Variants in SLC24A3 observed in about 807,000 individuals in gnomAD.
SLC24A3 encodes sodium/potassium/calcium exchanger 3.
In SLC24A3, 28 loss-of-function variants were observed where a neutral mutation model predicts 75.8. That is an observed-to-expected ratio of 0.37 (90% CI 0.27 to 0.51). The LOEUF (loss-of-function observed/expected upper bound fraction) is 0.51. SLC24A3 is among the 20% of genes least tolerant of loss of function. The pLI is 0.94. For missense variants in SLC24A3, 663 were observed against 847.8 expected, an observed-to-expected ratio of 0.78 and a Z score of 2.71; for synonymous variants, 372 against 334.1, an observed-to-expected ratio of 1.11 and a Z score of -1.24.
At chr20:19,529,670 A>G (rs1441774607) in intron 3 of SLC24A3, among the ~76,000 whole-genome samples, 4 of 152,060 alleles carry the variant, frequency 2.6e-5, no homozygotes, top group South Asian at 4.1e-4. Context: ...CCGCACCATC[A>G]TGGCACTTGG....
intron 15 of SLC24A3, among the ~76,000 whole-genome samples, chr20:19,710,860 GTGCATTTTACTCTA>G (rs1320294780): frequency 6.6e-6 from 1 of 152,250 alleles, no homozygotes; most frequent in East Asian, 1.9e-4. Flanking sequence ...CTTAAGATCT[GTGCATTTTACTCTA>G]TGCAAATTAT....
chr20:19,688,622 GA>G (rs763049269), intron 12 of SLC24A3, among the ~76,000 whole-genome samples: 4 of 152,200 alleles, frequency 2.6e-5, no homozygotes, highest in Non-Finnish European at 4.4e-5. Context: ...CCTGTGGACT[GA>G]AAAAGATCCG....
chr20:19,477,289 G>A (rs1987977105), intron 2 of SLC24A3, among the ~76,000 whole-genome samples: 1 of 152,182 alleles, frequency 6.6e-6, no homozygotes, highest in African/African-American at 2.4e-5. Flanking sequence ...GCTGGGTCAA[G>A]CCTGAGGAGG....
chr20:19,455,668 G>T (rs1475480150), intron 2 of SLC24A3, among the ~76,000 whole-genome samples: 1 of 152,186 alleles, frequency 6.6e-6, no homozygotes, highest in Admixed American at 6.5e-5. Context: ...CTCTCTCAGA[G>T]CATCCCCAGG....
intron 15 of SLC24A3, among the ~76,000 whole-genome samples, chr20:19,712,040 C>T (rs893461858): frequency 6.6e-6 from 1 of 152,106 alleles, no homozygotes; most frequent in African/African-American, 2.4e-5. Context: ...TCGACCTTCC[C>T]AGCTCAAGTG....
chr20:19,218,854 G>A (rs181547722), intron 1 of SLC24A3, among the ~76,000 whole-genome samples: 40 of 152,230 alleles, frequency 2.6e-4, no homozygotes, highest in East Asian at 1.2e-3. Flanking sequence ...TTGAGTGAAA[G>A]AACTTTTTGG....
chr20:19,468,270 C>T (rs941781468), intron 2 of SLC24A3, among the ~76,000 whole-genome samples: 1 of 152,046 alleles, frequency 6.6e-6, no homozygotes, highest in African/African-American at 2.4e-5. Flanking sequence ...AATAGAGATT[C>T]CGTAGCATAT....
At chr20:19,701,161 G>A (rs1370315053) in intron 15 of SLC24A3, among the ~76,000 whole-genome samples, 2 of 152,084 alleles carry the variant, frequency 1.3e-5, no homozygotes, top group African/African-American at 4.8e-5. Flanking sequence ...ACAGTATGGG[G>A]CAGGCACATA....
At chr20:19,601,683 T>C (rs1359758008) in intron 6 of SLC24A3, among the ~76,000 whole-genome samples, 1 of 152,164 alleles carries the variant, frequency 6.6e-6, no homozygotes, top group Non-Finnish European at 1.5e-5. Flanking sequence ...TTCACGGCCA[T>C]GCTACAAGCC....
At chr20:19,299,672 G>A (rs1034239205) in intron 2 of SLC24A3, among the ~76,000 whole-genome samples, 12 of 152,192 alleles carry the variant, frequency 7.9e-5, no homozygotes, top group African/African-American at 2.9e-4. Context: ...ACGCAGAGAG[G>A]AGACTCCATT....
chr20:19,611,908 C>T (rs1043540802), intron 6 of SLC24A3, among the ~76,000 whole-genome samples: 4 of 152,338 alleles, frequency 2.6e-5, no homozygotes, highest in South Asian at 2.1e-4. Context: ...TTGCTTCCCG[C>T]AGCCTCCAGG....
chr20:19,502,129 C>T (rs1988393451), intron 2 of SLC24A3, among the ~76,000 whole-genome samples: 1 of 152,096 alleles, frequency 6.6e-6, no homozygotes, highest in African/African-American at 2.4e-5. Context: ...TCTGAAACCT[C>T]CCCAAGGTGT....
chr20:19,551,619 C>T (rs945923987), intron 3 of SLC24A3, among the ~76,000 whole-genome samples: 31 of 152,162 alleles, frequency 2.0e-4, no homozygotes, highest in African/African-American at 7.0e-4. Flanking sequence ...TTCCTCCTAG[C>T]CTCTTCTACA....
intron 2 of SLC24A3, among the ~76,000 whole-genome samples, chr20:19,383,674 G>A (rs970057321): frequency 6.6e-6 from 1 of 152,154 alleles, no homozygotes; most frequent in Non-Finnish European, 1.5e-5. Flanking sequence ...AAATGCCATA[G>A]ACTGGGTGGC....
intron 6 of SLC24A3, among the ~76,000 whole-genome samples, chr20:19,601,911 G>A (rs145201515): frequency 5.3e-5 from 8 of 152,276 alleles, no homozygotes; most frequent in Admixed American, 3.3e-4. Context: ...GGTGGCTCAC[G>A]CCTGTAATCC....
chr20:19,322,915 A>G (rs1984746838), intron 2 of SLC24A3, among the ~76,000 whole-genome samples: 1 of 152,150 alleles, frequency 6.6e-6, no homozygotes, highest in African/African-American at 2.4e-5. Context: ...TTCCTTTAAG[A>G]AGAAATATAG....
chr20:19,688,726 C>A (rs1449588876), intron 12 of SLC24A3, among the ~76,000 whole-genome samples: 1 of 152,170 alleles, frequency 6.6e-6, no homozygotes, highest in Non-Finnish European at 1.5e-5. Context: ...TTTCTTCTCT[C>A]AGGACTTGAC....
chr20:19,243,360 T>C (rs903793325), intron 1 of SLC24A3, among the ~76,000 whole-genome samples: 2 of 152,200 alleles, frequency 1.3e-5, no homozygotes, highest in African/African-American at 4.8e-5. Flanking sequence ...ATAAGACACA[T>C]TCAGAAACAT....
At chr20:19,401,179 A>C (rs1600465520) in intron 2 of SLC24A3, among the ~76,000 whole-genome samples, 1 of 152,316 alleles carries the variant, frequency 6.6e-6, no homozygotes, top group Non-Finnish European at 1.5e-5. Context: ...ATCATGAGAC[A>C]GTTCCTAGAA....
Sources: allele counts gnomAD v4.1 joint callset (sites outside exome capture counted in the v4.1 genomes callset), GRCh38; gene constraint gnomAD v4.1.1; transcripts MANE v1.5; gene names NCBI Gene and HGNC (gene_info 2026-07-23, HGNC 2026-07-21).